The following CXCL12 variants were observed in gnomAD, a reference collection of about 807,000 sequenced individuals.
The protein encoded by CXCL12 is stromal cell-derived factor 1.
A neutral mutation model predicts 10.7 loss-of-function variants in CXCL12; 4 were observed. That is an observed-to-expected ratio of 0.37 (90% CI 0.18 to 0.86). CXCL12 has a LOEUF of 0.86. CXCL12 is among the 40% of genes least tolerant of loss of function. CXCL12 has a pLI of 0.43. For missense variants in CXCL12, 122 were observed against 110.4 expected, an observed-to-expected ratio of 1.10 and a Z score of -0.47; for synonymous variants, 54 against 45.4, an observed-to-expected ratio of 1.19 and a Z score of -0.77.
chr10:44,373,121 A>G, downstream of CXCL12: 3 of 1,535,022 alleles, frequency 2.0e-6, no homozygotes, highest in Non-Finnish European at 2.6e-6. Flanking sequence ...GTCGCCAGTG[A>G]CACTGAATAA....
At chr10:44,384,208 G>A (rs1839724562) in intron 1 of CXCL12, among the ~76,000 whole-genome samples, 1 of 152,156 alleles carries the variant, frequency 6.6e-6, no homozygotes, top group African/African-American at 2.4e-5. Flanking sequence ...GGGGGCGTGT[G>A]AGGCTCGGAG....
downstream of CXCL12, chr10:44,373,038 C>T: frequency 6.5e-7 from 1 of 1,536,088 alleles, no homozygotes; most frequent in Non-Finnish European, 8.7e-7. Flanking sequence ...AGCCCTGAGT[C>T]AGAGGAGTGG....
At chr10:44,377,007 G>A, downstream of CXCL12, 1 of 714,010 alleles carries the variant, frequency 1.4e-6, no homozygotes, top group Non-Finnish European at 1.7e-6. Context: ...CTGTGAGAAG[G>A]GGTCTCAGAC....
At chr10:44,382,971 G>C (rs530207205) in intron 1 of CXCL12, among the ~76,000 whole-genome samples, 3 of 152,280 alleles carry the variant, frequency 2.0e-5, no homozygotes, top group East Asian at 3.9e-4. Context: ...ATTTGGGACC[G>C]GGTGAGCTTG....
chr10:44,378,967 T>C (rs1288541709), intron 2 of CXCL12, among the ~76,000 whole-genome samples: 1 of 152,104 alleles, frequency 6.6e-6, no homozygotes, highest in Non-Finnish European at 1.5e-5. Context: ...TGCAGGGGAA[T>C]TCATGTAAGG....
Position 44,380,935 on chromosome 10 carries a change from G to C in CXCL12, c.62-55C>G. 8 of 1,410,502 alleles carry C rather than the reference G, an allele frequency of 5.7e-6. No individual in the cohort carries two copies. The South Asian group carries it at 6.9e-5, about 12-fold the overall frequency. The allele number at this position is 1,410,502 out of a possible 1,614,324, so 87.4% of individuals were successfully genotyped here. On this transcript the variant is annotated intron_variant, in intron 1 of 2. Coordinates refer to ENST00000343575, the MANE Select transcript of CXCL12 (RefSeq NM_199168.4). ...TACTACCCTGCCAGATTTTGGTAAT[G>C]TGTGTCTGGGCTGCAGCAGTTGGTG... is the stretch of plus-strand genomic sequence containing the variant.
chr10:44,382,916 T>C (rs912017821), intron 1 of CXCL12, among the ~76,000 whole-genome samples: 4 of 152,220 alleles, frequency 2.6e-5, no homozygotes, highest in Non-Finnish European at 2.9e-5. Flanking sequence ...TGGATGTAAA[T>C]CCGTGTACCG....
intron 2 of CXCL12, among the ~76,000 whole-genome samples, chr10:44,379,691 T>C (rs1588900775): frequency 7.2e-6 from 1 of 138,744 alleles, no homozygotes; most frequent in East Asian, 2.2e-4. Flanking sequence ...ATTTGGCATC[T>C]TCAACTTCAA....
At chr10:44,370,724 A>G (rs958352060) in exon 4 of CXCL12, 2 of 152,252 alleles carry the variant, frequency 1.3e-5, no homozygotes, top group African/African-American at 4.8e-5. Flanking sequence ...GGGAGGTGCA[A>G]CCTTCTGCTA....
In CXCL12 at chr10:44,380,790, T is replaced by C. The variant is rs760328141; in HGVS notation, c.152A>G (p.Asn51Ser). ...AATCTGAAGGGCACAGTTTGGAGTG[T>C]TGAGAATTTTGAGATGCTTGACGTT... ...RANVKHLKIL[N>S]TPNCALQIVA... is the part of the protein sequence containing the mutation. The change falls in exon 2 of 3, where the codon AAC becomes AGC. Residue 51 changes from asparagine to serine, a missense_variant. Coordinates refer to ENST00000343575, the MANE Select transcript of CXCL12 (RefSeq NM_199168.4). 2 of 1,614,116 alleles carry C rather than the reference T, an allele frequency of 1.2e-6. No homozygotes were observed. The highest frequency in any genetic ancestry group is 3.3e-5 in the Admixed American group (2 of 60,024).
chr10:44,371,415 C>T (rs1323866025), downstream of CXCL12: 2 of 444,812 alleles, frequency 4.5e-6, no homozygotes, highest in Non-Finnish European at 8.9e-6. Context: ...TAATGACTGC[C>T]CCACTGAAAA....
At chr10:44,373,379 A>T, downstream of CXCL12, 1 of 1,572,226 alleles carries the variant, frequency 6.4e-7, no homozygotes, top group Non-Finnish European at 8.7e-7. Context: ...CCATTAAGGC[A>T]GGTTCCCCCC....
chr10:44,378,847 G>T lies in CXCL12; in HGVS notation c.180-124C>A, dbSNP rs889904815. ...TGGCACCCCGTGCTCCACTTGGTAC[G>T]CTCAGGCTCCAGAGGTGCTCGCGGT... is the stretch of plus-strand genomic sequence containing the variant. On this transcript the variant is annotated intron_variant, in intron 2 of 2. Transcript: ENST00000343575. The T allele has an allele frequency of 3.1e-6, 3 of 959,114 alleles. No individual in the cohort carries two copies. In the South Asian group the frequency reaches 4.1e-5, roughly 13 times the overall value. 59.4% of individuals were successfully genotyped at this position (959,114 alleles called of 1,614,324 possible).
chr10:44,377,373 T>A lies in CXCL12; in HGVS notation c.*1260A>T. Reference sequence around the variant, plus strand: ...GTTCGACTATAAATATATTTTGAAATACATTTGTTTTCTAAAGAAACGTAA... The same window carrying A: ...GTTCGACTATAAATATATTTTGAAAAACATTTGTTTTCTAAAGAAACGTAA... On this transcript the variant is annotated 3_prime_UTR_variant, in exon 3 of 3. Coordinates refer to ENST00000343575, the MANE Select transcript of CXCL12 (RefSeq NM_199168.4). 9.3e-7 allele frequency: 1 copy of A among 1,074,148 alleles called. No homozygotes were observed. Among genetic ancestry groups the A allele is most frequent in the African/African-American group, 1.7e-5 (1 of 58,270 alleles). 66.5% of individuals were successfully genotyped at this position (1,074,148 alleles called of 1,614,324 possible).
chr10:44,374,882 C>A (rs549443892), downstream of CXCL12: 7 of 362,064 alleles, frequency 1.9e-5, 1 homozygote, highest in African/African-American at 1.1e-4. Context: ...AAATGGGGTC[C>A]TTGCTCTTCC....
In CXCL12 at chr10:44,377,591, C is replaced by T; in HGVS notation, c.*1042G>A. 1.3e-6 allele frequency: 2 copies of T among 1,484,980 alleles called. No individual in the cohort carries two copies. Among genetic ancestry groups the T allele is most frequent in the Admixed American group, 2.3e-5 (1 of 43,966 alleles). 92.0% of individuals were successfully genotyped at this position (1,484,980 alleles called of 1,614,324 possible). A position where few individuals can be genotyped will look rare whatever the true frequency, so the allele number is the denominator to read the frequency against. ...GATGGTTTATTCACTGATTTTTTCGCTTCTGATTTCGGAAACCTCAGAGTT... is the reference window on the plus strand; with the variant it reads ...GATGGTTTATTCACTGATTTTTTCGTTTCTGATTTCGGAAACCTCAGAGTT... On this transcript the variant is annotated 3_prime_UTR_variant, in exon 3 of 3. Transcript: ENST00000343575.
Position 44,378,199 on chromosome 10 carries a change from CTG to C in CXCL12, c.*432_*433del. On this transcript the variant is annotated 3_prime_UTR_variant, in exon 3 of 3. Transcript: ENST00000343575. ...AGCTCCCTGTTAAGCCACCACCTGACTGTGCCCAGACTCCCCAGGGGAGCAGA... is the reference window on the plus strand; with the variant it reads ...AGCTCCCTGTTAAGCCACCACCTGACTGCCCAGACTCCCCAGGGGAGCAGA... The C allele has an allele frequency of 7.0e-7, 1 of 1,433,244 alleles. No individual in the cohort carries two copies. Among genetic ancestry groups the C allele is most frequent in the Non-Finnish European group, 9.2e-7 (1 of 1,084,818 alleles). 88.8% of individuals were successfully genotyped at this position (1,433,244 alleles called of 1,614,324 possible).
At chr10:44,381,584 C>T (rs1839632571) in intron 1 of CXCL12, among the ~76,000 whole-genome samples, 1 of 152,202 alleles carries the variant, frequency 6.6e-6, no homozygotes, top group African/African-American at 2.4e-5. Context: ...ATGCTGTAGC[C>T]TCAGGAATTG....
chr10:44,374,279 AG>A (rs1250963697), downstream of CXCL12: 2 of 366,110 alleles, frequency 5.5e-6, no homozygotes, highest in East Asian at 1.5e-4. Context: ...ACCCCTCCCC[AG>A]GCACAAAGCC....
Sources: gnomAD v4.1 joint callset for allele counts (sites outside exome capture counted in the v4.1 genomes callset) on GRCh38, gnomAD v4.1.1 for gene constraint, MANE v1.5 for transcripts, NCBI Gene and HGNC (gene_info 2026-07-23, HGNC 2026-07-21) for gene names.